The following MAML3 variants were observed in gnomAD, a reference collection of about 807,000 sequenced individuals.
MAML3 encodes the protein mastermind like transcriptional coactivator 3, also known as mastermind-like protein 3.
Under a neutral mutation model 101.9 loss-of-function variants are expected in MAML3, and 27 were observed. The ratio of observed to expected loss-of-function variants is 0.27; its 90% confidence interval spans 0.20 to 0.37. The LOEUF (loss-of-function observed/expected upper bound fraction) is 0.37. Ranked by LOEUF, MAML3 falls within the 10% of genes least tolerant of loss-of-function variation. The pLI, the probability that MAML3 is intolerant of heterozygous loss-of-function variation, is 1.00. For synonymous variants in MAML3, 501 were observed against 555.9 expected (o/e 0.90, Z 1.39); for missense variants, 1,316 against 1,444.9 (o/e 0.91, Z 1.45).
At chr4:139,784,717 G>A (rs1051052981) in intron 2 of MAML3, among the ~76,000 whole-genome samples, 1 of 152,184 alleles carries the variant, frequency 6.6e-6, no homozygotes, top group African/African-American at 2.4e-5. Flanking sequence ...AATTAAACTG[G>A]AAGGGTACTC....
intron 2 of MAML3, among the ~76,000 whole-genome samples, chr4:139,739,965 C>T (rs1228732219): frequency 2.0e-5 from 3 of 152,178 alleles, no homozygotes; most frequent in Non-Finnish European, 4.4e-5. Context: ...CCTGAGCCCA[C>T]CTTACGCTCT....
intron 1 of MAML3, among the ~76,000 whole-genome samples, chr4:140,044,831 G>A (rs945128396): frequency 6.6e-6 from 1 of 152,160 alleles, no homozygotes; most frequent in Non-Finnish European, 1.5e-5. Context: ...ACATATGAGA[G>A]TCATTTGTGT....
chr4:140,069,912 C>T (rs1275714426), intron 1 of MAML3, among the ~76,000 whole-genome samples: 1 of 151,792 alleles, frequency 6.6e-6, no homozygotes, highest in Admixed American at 6.6e-5. Flanking sequence ...GGTCAGGAGT[C>T]CCAGACCAGC....
intron 1 of MAML3, among the ~76,000 whole-genome samples, chr4:140,071,787 G>GAGAGAGAGAGAGA (rs1265006286): frequency 7.9e-5 from 12 of 151,262 alleles, no homozygotes; most frequent in Admixed American, 5.3e-4. Flanking sequence ...GAGAGAGAGA[G>GAGAGAGAGAGAGA]AAGGCACGCA....
chr4:139,958,282 T>C (rs1334150455), intron 1 of MAML3, among the ~76,000 whole-genome samples: 1 of 152,198 alleles, frequency 6.6e-6, no homozygotes, highest in Admixed American at 6.5e-5. Flanking sequence ...CTGCTGACAT[T>C]CCAGAGATGC....
At position 139,945,260 on chromosome 4, in the gene MAML3, C is replaced by A. The variant is rs2110746832; in HGVS notation, c.469-54293G>T. Reference sequence around the variant, plus strand: ...TAAGACTGAATTATTCCAAAGCAAACAACTCTTCCTATTTCTGCAGATTCT... The same window carrying A: ...TAAGACTGAATTATTCCAAAGCAAAAAACTCTTCCTATTTCTGCAGATTCT... On this transcript the variant is annotated intron_variant, in intron 1 of 4. Coordinates refer to ENST00000509479, the MANE Select transcript of MAML3 (RefSeq NM_018717.5). Among the ~76,000 whole-genome samples, 2 of 152,294 alleles carry A rather than the reference C, an allele frequency of 1.3e-5. 1 individual carries two copies. Among genetic ancestry groups the A allele is most frequent in the South Asian group, 4.1e-4 (2 of 4,820 alleles).
At chr4:140,015,255 G>T (rs1726623462) in intron 1 of MAML3, among the ~76,000 whole-genome samples, 2 of 151,986 alleles carry the variant, frequency 1.3e-5, no homozygotes, top group African/African-American at 4.8e-5. Flanking sequence ...GCAAAGTCAA[G>T]TACGCAAAGA....
At chr4:140,027,931 T>C (rs968692853) in intron 1 of MAML3, among the ~76,000 whole-genome samples, 3 of 152,252 alleles carry the variant, frequency 2.0e-5, no homozygotes, top group Admixed American at 6.5e-5. Context: ...AAAAGCTTTA[T>C]AGATTTATGC....
chr4:139,939,704 T>C (rs1012644372), intron 1 of MAML3, among the ~76,000 whole-genome samples: 20 of 152,090 alleles, frequency 1.3e-4, no homozygotes, highest in South Asian at 4.1e-4. Context: ...ATACCTCCTC[T>C]GTCTCTGAAC....
chr4:140,033,152 G>A (rs560597941), intron 1 of MAML3, among the ~76,000 whole-genome samples: 1 of 152,326 alleles, frequency 6.6e-6, no homozygotes, highest in East Asian at 1.9e-4. Flanking sequence ...AATAGACCTA[G>A]AAGCACTTAT....
intron 2 of MAML3, among the ~76,000 whole-genome samples, chr4:139,752,900 G>T (rs1377343970): frequency 1.3e-5 from 2 of 152,180 alleles, no homozygotes; most frequent in African/African-American, 4.8e-5. Flanking sequence ...ACTGGGAAGA[G>T]CTAACAGGGG....
chr4:139,888,239 GCCTGCGTTATT>G (rs1481273176), intron 2 of MAML3, among the ~76,000 whole-genome samples: 1 of 152,208 alleles, frequency 6.6e-6, no homozygotes, highest in Non-Finnish European at 1.5e-5. Context: ...GGCAAGATCT[GCCTGCGTTATT>G]TCCCAGTGCT....
chr4:140,146,096 C>T (rs1396867492), intron 1 of MAML3, among the ~76,000 whole-genome samples: 1 of 151,952 alleles, frequency 6.6e-6, no homozygotes, highest in Non-Finnish European at 1.5e-5. Context: ...TGGTCTCAAA[C>T]TCCTGATCTC....
chr4:140,095,653 T>C (rs558976611), intron 1 of MAML3, among the ~76,000 whole-genome samples: 9 of 152,086 alleles, frequency 5.9e-5, no homozygotes, highest in Non-Finnish European at 7.4e-5. Context: ...TCTAACTCCA[T>C]TGCCCTGTGT....
chr4:140,000,381 G>A (rs781691637), intron 1 of MAML3, among the ~76,000 whole-genome samples: 15 of 151,206 alleles, frequency 9.9e-5, no homozygotes, highest in Non-Finnish European at 2.1e-4. Context: ...TTCAACCTGG[G>A]AATAAAAAGA....
At chr4:139,770,231 C>T (rs1729948414) in intron 2 of MAML3, among the ~76,000 whole-genome samples, 1 of 152,234 alleles carries the variant, frequency 6.6e-6, no homozygotes, top group East Asian at 1.9e-4. Context: ...TGTGCCCAGC[C>T]AAGGCTCCTT....
At chr4:139,729,180 G>T (rs900098867) in intron 3 of MAML3, among the ~76,000 whole-genome samples, 3 of 140,278 alleles carry the variant, frequency 2.1e-5, no homozygotes, top group Admixed American at 1.4e-4. Context: ...AAAAAAAAAA[G>T]GGAACATAAG....
chr4:139,737,082 C>T (rs1450107370), intron 2 of MAML3, among the ~76,000 whole-genome samples: 1 of 152,108 alleles, frequency 6.6e-6, no homozygotes, highest in East Asian at 1.9e-4. Context: ...GCATCCATGA[C>T]TGAGGAAGGG....
intron 1 of MAML3, chr4:140,134,113 C>G: frequency 4.4e-6 from 2 of 456,712 alleles, no homozygotes; most frequent in Non-Finnish European, 8.8e-6. Context: ...CCACAGTGCT[C>G]AGGGCAAGAA....
Sources: allele counts gnomAD v4.1 joint callset (sites outside exome capture counted in the v4.1 genomes callset), GRCh38; gene constraint gnomAD v4.1.1; transcripts MANE v1.5; gene names NCBI Gene and HGNC (gene_info 2026-07-23, HGNC 2026-07-21).